Variants in MGMT observed in about 807,000 individuals in gnomAD.
MGMT encodes the protein O-6-methylguanine-DNA methyltransferase.
MGMT carries 14 observed loss-of-function variants against 15.9 expected under a neutral mutation model. The ratio of observed to expected loss-of-function variants is 0.88; its 90% confidence interval spans 0.58 to 1.37. The LOEUF (loss-of-function observed/expected upper bound fraction) is 1.37. MGMT is among the 40% of genes most tolerant of loss of function. The pLI, the probability that MGMT is intolerant of heterozygous loss-of-function variation, is 0.00. For missense variants in MGMT, 282 were observed against 268.1 expected (o/e 1.05, Z -0.36); for synonymous variants, 130 against 118.2 (o/e 1.10, Z -0.65).
chr10:129,718,036 C>G (rs1445213925), intron 3 of MGMT, among the ~76,000 whole-genome samples: 2 of 152,190 alleles, frequency 1.3e-5, no homozygotes, highest in African/African-American at 4.8e-5. Context: ...CTGTGAGAGA[C>G]ACACAGAGCT....
intron 3 of MGMT, among the ~76,000 whole-genome samples, chr10:129,734,289 T>G (rs1316703570): frequency 7.2e-6 from 1 of 138,784 alleles, no homozygotes; most frequent in African/African-American, 2.5e-5. Flanking sequence ...CCTTGTAAGT[T>G]GGATTCCTAG....
intron 4 of MGMT, among the ~76,000 whole-genome samples, chr10:129,764,766 G>A (rs899695177): frequency 2.0e-5 from 3 of 152,220 alleles, no homozygotes; most frequent in African/African-American, 7.2e-5. Flanking sequence ...CCCCAACCTT[G>A]GGATCCTGCA....
intron 3 of MGMT, among the ~76,000 whole-genome samples, chr10:129,730,202 A>G (rs1848480293): frequency 6.6e-6 from 1 of 152,166 alleles, no homozygotes; most frequent in Non-Finnish European, 1.5e-5. Flanking sequence ...GTTTTTAGCA[A>G]CCATTGGCGC....
intron 2 of MGMT, among the ~76,000 whole-genome samples, chr10:129,561,534 C>A (rs866224364): frequency 6.6e-6 from 1 of 152,138 alleles, no homozygotes; most frequent in African/African-American, 2.4e-5. Flanking sequence ...TTACACCTTC[C>A]CATTCTAACG....
chr10:129,703,612 C>T (rs1395990579), intron 2 of MGMT, among the ~76,000 whole-genome samples: 4 of 152,168 alleles, frequency 2.6e-5, no homozygotes, highest in Admixed American at 1.3e-4. Flanking sequence ...CAGTCTTACC[C>T]GGGGACCGTA....
intron 2 of MGMT, among the ~76,000 whole-genome samples, chr10:129,628,528 T>A (rs1847175801): frequency 6.6e-6 from 1 of 152,178 alleles, no homozygotes; most frequent in Admixed American, 6.5e-5. Context: ...TGGTGCTTTC[T>A]GTGCATCTCC....
Position 129,476,311 on chromosome 10 carries a change from G to T in MGMT, c.-13+9015G>T, listed in dbSNP as rs182416051. On this transcript the variant is annotated intron_variant, in intron 1 of 4. Coordinates refer to ENST00000651593, the MANE Select transcript of MGMT (RefSeq NM_002412.5). ...GTTTGTCACTCCAGAAAGCCTTCAG[G>T]GTCATGGTTCTCACTTCCTCAGACA... Among the ~76,000 whole-genome samples, 22 of 152,186 alleles carry T rather than the reference G, an allele frequency of 1.4e-4. 1 individual carries two copies. The highest frequency in any genetic ancestry group is 6.8e-3 in the Middle Eastern group (2 of 294).
At chr10:129,594,549 C>T (rs377086023) in intron 2 of MGMT, among the ~76,000 whole-genome samples, 3 of 152,188 alleles carry the variant, frequency 2.0e-5, no homozygotes, top group East Asian at 3.9e-4. Context: ...CGGTACCTTT[C>T]AAAGGGCTTT....
intron 1 of MGMT, among the ~76,000 whole-genome samples, chr10:129,521,850 A>G (rs1845814566): frequency 6.6e-6 from 1 of 152,224 alleles, no homozygotes; most frequent in Non-Finnish European, 1.5e-5. Context: ...CCAGCATGGT[A>G]CAGGAGTCGC....
At chr10:129,710,498 C>G (rs193228616) in intron 3 of MGMT, among the ~76,000 whole-genome samples, 2 of 152,328 alleles carry the variant, frequency 1.3e-5, no homozygotes, top group Non-Finnish European at 2.9e-5. Context: ...CCCACCACAG[C>G]ATGTGTAAGC....
intron 2 of MGMT, among the ~76,000 whole-genome samples, chr10:129,646,344 C>T (rs1011490276): frequency 6.6e-6 from 1 of 152,056 alleles, no homozygotes; most frequent in African/African-American, 2.4e-5. Context: ...TATGTAGAAC[C>T]TTCACTTGTA....
chr10:129,513,323 A>G (rs1306769227), intron 1 of MGMT, among the ~76,000 whole-genome samples: 1 of 152,226 alleles, frequency 6.6e-6, no homozygotes, highest in Non-Finnish European at 1.5e-5. Flanking sequence ...TGATGGATAC[A>G]CAACTTTGTG....
intron 2 of MGMT, among the ~76,000 whole-genome samples, chr10:129,606,573 T>G (rs1846893933): frequency 6.6e-6 from 1 of 152,240 alleles, no homozygotes; most frequent in African/African-American, 2.4e-5. Context: ...AAAATTGTTA[T>G]TGCTGGAAGA....
At chr10:129,740,064 G>A (rs1848612991) in intron 3 of MGMT, among the ~76,000 whole-genome samples, 2 of 152,246 alleles carry the variant, frequency 1.3e-5, no homozygotes, top group Admixed American at 1.3e-4. Context: ...ATCTAAAGAT[G>A]TTTAAAACGT....
At chr10:129,514,637 T>C (rs61862576) in intron 1 of MGMT, among the ~76,000 whole-genome samples, 23,562 of 152,146 alleles carry the variant, frequency 0.15, 2,557 homozygotes, top group African/African-American at 0.3. Context: ...TTGTTGGTAT[T>C]AAGAGTTGGG....
chr10:129,528,531 C>T (rs371205976), intron 1 of MGMT, among the ~76,000 whole-genome samples: 76 of 143,734 alleles, frequency 5.3e-4, no homozygotes, highest in African/African-American at 1.2e-3. Flanking sequence ...GGAGCGGGGG[C>T]GTGGGTGCGA....
At chr10:129,615,175 A>G (rs188728612) in intron 2 of MGMT, among the ~76,000 whole-genome samples, 34 of 152,238 alleles carry the variant, frequency 2.2e-4, no homozygotes, top group African/African-American at 2.9e-4. Context: ...TTTAAGTGAA[A>G]GTCATTTCCA....
chr10:129,568,528 G>GT (rs1475615382), intron 2 of MGMT, among the ~76,000 whole-genome samples: 1 of 152,006 alleles, frequency 6.6e-6, no homozygotes, highest in Non-Finnish European at 1.5e-5. Flanking sequence ...TCATAGGATA[G>GT]TTAAAAAAAA....
intron 2 of MGMT, among the ~76,000 whole-genome samples, chr10:129,592,527 T>C (rs1846698643): frequency 1.3e-5 from 2 of 152,196 alleles, no homozygotes; most frequent in African/African-American, 2.4e-5. Context: ...GGTGAATGGA[T>C]TTTAATGGAA....
Sources: gnomAD v4.1 joint callset for allele counts (sites outside exome capture counted in the v4.1 genomes callset) on GRCh38, gnomAD v4.1.1 for gene constraint, MANE v1.5 for transcripts, NCBI Gene and HGNC (gene_info 2026-07-23, HGNC 2026-07-21) for gene names.